MGAT4D: variants seen among roughly 807,000 people sequenced by gnomAD.
The protein encoded by MGAT4D is alpha-1,3-mannosyl-glycoprotein 4-beta-N-acetylglucosaminyltransferase-like protein MGAT4D.
Under a neutral mutation model 15.9 loss-of-function variants are expected in MGAT4D, and 34 were observed. The ratio of observed to expected loss-of-function variants is 2.14; its 90% CI spans 1.62 to 2.84. The LOEUF (loss-of-function observed/expected upper bound fraction) is 2.84, where lower values mean the gene tolerates loss of function less well. MGAT4D is among the 30% of genes most tolerant of loss of function. MGAT4D has a pLI of 0.00. For synonymous variants in MGAT4D, 112 were observed against 48.2 expected, an observed-to-expected ratio of 2.33 and a Z score of -5.49; for missense variants, 327 against 140.2, an observed-to-expected ratio of 2.33 and a Z score of -6.73.
chr4:140,494,004 C>A (rs1733673865), intron 1 of MGAT4D, among the ~76,000 whole-genome samples: 1 of 152,074 alleles, frequency 6.6e-6, no homozygotes, highest in African/African-American at 2.4e-5. Context: ...GTTGGCTTTT[C>A]CAAGGGAGGT....
chr4:140,482,640 A>G (rs1036432132), intron 1 of MGAT4D, among the ~76,000 whole-genome samples, 155 bp from the exon 2 acceptor site: 2 of 151,978 alleles, frequency 1.3e-5, no homozygotes, highest in African/African-American at 2.4e-5. Flanking sequence ...ATATACATAT[A>G]GTATATACCA....
In MGAT4D at chr4:140,451,402, A is replaced by G; in HGVS notation, c.1116+8T>C. 1 of 584,548 alleles carries G rather than the reference A, an allele frequency of 1.7e-6. No individual in the cohort carries two copies. The highest frequency in any genetic ancestry group is 3.1e-6 in the Non-Finnish European group (1 of 326,584). 36.2% of individuals were successfully genotyped at this position (584,548 alleles called of 1,614,324 possible). A position where few individuals can be genotyped will look rare whatever the true frequency, so the allele number is the denominator to read the frequency against. On this transcript the variant is annotated splice_region_variant and intron_variant, in intron 10 of 10. Coordinates refer to ENST00000511113, the MANE Select transcript of MGAT4D (RefSeq NM_001277353.2). ...GTATGTTACTAAAGTTACATTTCAA[A>G]ATCTTACTTTTTCATATTGTTCTTT... is the stretch of plus-strand genomic sequence containing the variant.
In MGAT4D at chr4:140,474,823, A is replaced by G. The variant is rs1369508390; in HGVS notation, c.515T>C (p.Leu172Ser). Residue 172 changes from leucine to serine, a missense_variant, in exon 4 of 11, where the codon TTG becomes TCG. Transcript: ENST00000511113. ...SQEKDSVVIVLVADSNEDYLH... is the reference protein window; with the variant it reads ...SQEKDSVVIVSVADSNEDYLH... ...ATTTTGTATACGTACATCTGCAACC[A>G]AGACAATCACTACAGAATCCTTCTC... 1.5e-6 allele frequency: 1 copy of G among 680,776 alleles called. No homozygotes were observed. 42.2% of individuals were successfully genotyped at this position (680,776 alleles called of 1,614,324 possible).
At chr4:140,459,444 C>A in intron 8 of MGAT4D, 68 bp downstream of exon 8, 1 of 371,408 alleles carries the variant, frequency 2.7e-6, no homozygotes, top group Non-Finnish European at 4.9e-6. Context: ...AACTGATAAA[C>A]TGTTTAAAAT....
chr4:140,451,958 T>C (rs1730496881), intron 9 of MGAT4D, among the ~76,000 whole-genome samples: 1 of 149,298 alleles, frequency 6.7e-6, no homozygotes, highest in African/African-American at 2.5e-5. Flanking sequence ...AAAGAACCAA[T>C]TTATAGTCAA....
rs931907227 is a variant in MGAT4D at position 140,442,391 on chromosome 4, G to T, written c.*1045C>A. On this transcript the variant is annotated 3_prime_UTR_variant, in exon 11 of 11. Transcript: ENST00000511113. Reference sequence around the variant, plus strand: ...AGAATTTCACAATATTTGATTAAAGGATAACAAATAAATATCACTTATTAT... The same window carrying T: ...AGAATTTCACAATATTTGATTAAAGTATAACAAATAAATATCACTTATTAT... The T allele has an allele frequency of 6.6e-6, 1 of 152,026 alleles. No homozygotes were observed. The highest frequency in any genetic ancestry group is 1.5e-5 in the Non-Finnish European group (1 of 67,966). 9.4% of individuals were successfully genotyped at this position (152,026 alleles called of 1,614,324 possible).
At chr4:140,486,635 A>G (rs1733153915) in intron 1 of MGAT4D, among the ~76,000 whole-genome samples, 1 of 152,190 alleles carries the variant, frequency 6.6e-6, no homozygotes, top group Admixed American at 6.5e-5. Flanking sequence ...CTAGAATGAG[A>G]GCAGCGAGAA....
At chr4:140,470,251 G>C (rs1731834841) in intron 5 of MGAT4D, among the ~76,000 whole-genome samples, 1 of 152,186 alleles carries the variant, frequency 6.6e-6, no homozygotes, top group African/African-American at 2.4e-5. Flanking sequence ...TGCGGACACT[G>C]ACCGGCATAC....
At chr4:140,481,113 GC>G (rs35981747) in intron 2 of MGAT4D, among the ~76,000 whole-genome samples, 37,446 of 151,802 alleles carry the variant, frequency 0.25, 4,956 homozygotes, top group East Asian at 0.48. Flanking sequence ...TCCAAGATCA[GC>G]CTGGGCAACA....
chr4:140,449,115 C>T (rs1730307742), intron 10 of MGAT4D, among the ~76,000 whole-genome samples: 2 of 152,248 alleles, frequency 1.3e-5, no homozygotes, highest in East Asian at 1.9e-4. Flanking sequence ...GGTAGAAAAT[C>T]ATAGAAATAC....
intron 1 of MGAT4D, among the ~76,000 whole-genome samples, chr4:140,485,874 A>G (rs900083143): frequency 7.0e-6 from 1 of 142,920 alleles, no homozygotes; most frequent in African/African-American, 2.5e-5. Flanking sequence ...TTGGGTTGAA[A>G]CATTTAATAT....
At chr4:140,496,030 G>A (rs769181900) in intron 1 of MGAT4D, among the ~76,000 whole-genome samples, 3 of 152,272 alleles carry the variant, frequency 2.0e-5, no homozygotes, top group African/African-American at 2.4e-5. Flanking sequence ...ACCCCACTGC[G>A]CCTGGCAAAA....
At chr4:140,493,084 T>C (rs939883268) in intron 1 of MGAT4D, among the ~76,000 whole-genome samples, 2 of 152,162 alleles carry the variant, frequency 1.3e-5, no homozygotes, top group Admixed American at 1.3e-4. Flanking sequence ...TTCTTTTAAC[T>C]GATTAAAAAG....
intron 1 of MGAT4D, among the ~76,000 whole-genome samples, chr4:140,483,821 G>A (rs749876004): frequency 1.5e-4 from 23 of 151,606 alleles, no homozygotes; most frequent in South Asian, 1.5e-3. Context: ...GCAGAAGAAC[G>A]AAATTAGATC....
chr4:140,487,858 A>C (rs1733243555), intron 1 of MGAT4D, among the ~76,000 whole-genome samples: 1 of 152,172 alleles, frequency 6.6e-6, no homozygotes, highest in African/African-American at 2.4e-5. Context: ...CCTGACTACC[A>C]CACTGGATGG....
At chr4:140,465,107 T>C in intron 5 of MGAT4D, 98 bp from the exon 6 acceptor site, 1 of 575,868 alleles carries the variant, frequency 1.7e-6, no homozygotes. Context: ...GGCCACATAA[T>C]ATTTGATTTG....
At chr4:140,496,900 T>G (rs1407303981) in intron 1 of MGAT4D, among the ~76,000 whole-genome samples, 6 of 152,218 alleles carry the variant, frequency 3.9e-5, no homozygotes, top group African/African-American at 1.2e-4. Flanking sequence ...CATTTATTTT[T>G]TGTTATAAGT....
intron 10 of MGAT4D, among the ~76,000 whole-genome samples, chr4:140,445,470 T>C (rs1730060650): frequency 6.6e-6 from 1 of 152,186 alleles, no homozygotes; most frequent in Non-Finnish European, 1.5e-5. Flanking sequence ...TTTCTCCCAT[T>C]CTGTAGGTTG....
intron 7 of MGAT4D, 25 bp from the exon 8 acceptor site, chr4:140,459,651 A>G: frequency 2.4e-6 from 1 of 425,284 alleles, no homozygotes. Flanking sequence ...CCAAAAAGAC[A>G]TTAATATCTT....
Sources: allele counts gnomAD v4.1 joint callset (sites outside exome capture counted in the v4.1 genomes callset), GRCh38; gene constraint gnomAD v4.1.1; transcripts MANE v1.5; gene names NCBI Gene and HGNC (gene_info 2026-07-23, HGNC 2026-07-21).